Variants in IKZF3 observed in about 807,000 individuals in gnomAD.
The protein encoded by IKZF3 is IKAROS family zinc finger 3.
In IKZF3, 10 loss-of-function variants were observed where a neutral mutation model predicts 49.0. The ratio of observed to expected loss-of-function variants is 0.20; its 90% CI spans 0.13 to 0.35. The LOEUF (loss-of-function observed/expected upper bound fraction) is 0.35, where lower values mean the gene tolerates loss of function less well. IKZF3 is among the 10% of genes least tolerant of loss of function. IKZF3 has a pLI of 1.00. For synonymous variants in IKZF3, 209 were observed against 228.2 expected (o/e 0.92, Z 0.76); for missense variants, 498 against 664.8 (o/e 0.75, Z 2.76).
intron 3 of IKZF3, among the ~76,000 whole-genome samples, chr17:39,802,078 C>T (rs2061331396): frequency 1.3e-5 from 2 of 151,532 alleles, no homozygotes. Context: ...AAAAATTAGC[C>T]GGGCATGGTG....
In IKZF3 at chr17:39,759,881, G is replaced by T. The variant is rs1048470585; in HGVS notation, c.*5909C>A. 6.6e-6 allele frequency: 1 copy of T among 152,116 alleles called. No homozygotes were observed. The highest frequency in any genetic ancestry group is 2.4e-5 in the African/African-American group (1 of 41,402). 9.4% of individuals were successfully genotyped at this position (152,116 alleles called of 1,614,324 possible). ...AAGATGAGGTATCACTATATATCGG[G>T]TTTTTTTCTTCTGTTCCTGGTGCTA... On this transcript the variant is annotated 3_prime_UTR_variant, in exon 8 of 8. Transcript: ENST00000346872.
At chr17:39,801,034 T>TA (rs964399837) in intron 3 of IKZF3, among the ~76,000 whole-genome samples, 1 of 152,138 alleles carries the variant, frequency 6.6e-6, no homozygotes, top group Non-Finnish European at 1.5e-5. Context: ...ATTTCCACCT[T>TA]AAACTATGAG....
At chr17:39,811,235 T>TGAAA (rs71152603) in intron 3 of IKZF3, among the ~76,000 whole-genome samples, 175 of 141,444 alleles carry the variant, frequency 1.2e-3, no homozygotes, top group Middle Eastern at 7.0e-3. Context: ...AGACCCTGTC[T>TGAAA]GAAAGAAAGA....
intron 1 of IKZF3, 106 bp downstream of exon 1, chr17:39,864,014 G>T: frequency 2.8e-6 from 4 of 1,431,522 alleles, no homozygotes; most frequent in Non-Finnish European, 3.9e-6. Flanking sequence ...TTTGACAAAA[G>T]AAGTAAATAG....
chr17:39,790,236 G>A (rs897834065), intron 5 of IKZF3, among the ~76,000 whole-genome samples: 6 of 152,164 alleles, frequency 3.9e-5, no homozygotes, highest in Non-Finnish European at 8.8e-5. Flanking sequence ...ATGCAGGTTT[G>A]CTAGGGCTAA....
chr17:39,790,716 T>C (rs1567982545), intron 5 of IKZF3, among the ~76,000 whole-genome samples: 1 of 148,544 alleles, frequency 6.7e-6, no homozygotes, highest in Non-Finnish European at 1.5e-5. Flanking sequence ...CGACAGCACA[T>C]AACTTTTACA....
intron 1 of IKZF3, among the ~76,000 whole-genome samples, chr17:39,848,467 A>G (rs2062699228): frequency 6.6e-6 from 1 of 152,248 alleles, no homozygotes; most frequent in Non-Finnish European, 1.5e-5. Flanking sequence ...TACTTTAAAA[A>G]GATGTTTCTG....
chr17:39,845,468 G>C (rs1433983511), intron 1 of IKZF3, among the ~76,000 whole-genome samples: 2 of 151,426 alleles, frequency 1.3e-5, no homozygotes, highest in African/African-American at 2.4e-5. Flanking sequence ...AGGTTTCAAT[G>C]AGCTGAGATT....
intron 3 of IKZF3, among the ~76,000 whole-genome samples, chr17:39,797,071 A>T (rs1043843319): frequency 2.0e-5 from 3 of 151,508 alleles, no homozygotes; most frequent in African/African-American, 7.3e-5. Context: ...AGGCTGAGGC[A>T]GGAGAATCGC....
In IKZF3 at chr17:39,763,007, T is replaced by C. The variant is rs1284937084; in HGVS notation, c.*2783A>G. ...AATCCCTGCTTCCAAATTCTCTTTC[T>C]CTTGTCCCTTGAAGAACCAACAGGA... On this transcript the variant is annotated 3_prime_UTR_variant, in exon 8 of 8. Transcript: ENST00000346872. 1 of 152,232 alleles carries C rather than the reference T, an allele frequency of 6.6e-6. No individual in the cohort carries two copies. The highest frequency in any genetic ancestry group is 1.5e-5 in the Non-Finnish European group (1 of 68,046). 9.4% of individuals were successfully genotyped at this position (152,232 alleles called of 1,614,324 possible). A position where few individuals can be genotyped will look rare whatever the true frequency, so the allele number is the denominator to read the frequency against.
chr17:39,815,936 G>A (rs888001088), intron 3 of IKZF3, among the ~76,000 whole-genome samples: 1 of 152,130 alleles, frequency 6.6e-6, no homozygotes, highest in Non-Finnish European at 1.5e-5. Flanking sequence ...ATATAATGGG[G>A]TGAAACCTTG....
At chr17:39,789,216 G>A (rs1246967238) in intron 5 of IKZF3, among the ~76,000 whole-genome samples, 1 of 152,162 alleles carries the variant, frequency 6.6e-6, no homozygotes, top group Non-Finnish European at 1.5e-5. Context: ...GATCACCTGA[G>A]GTCAGGAGTT....
chr17:39,810,878 CTTTG>C (rs966096651), intron 3 of IKZF3, among the ~76,000 whole-genome samples: 7 of 152,078 alleles, frequency 4.6e-5, no homozygotes, highest in South Asian at 4.1e-4. Flanking sequence ...CTAATTGATC[CTTTG>C]TTTGGCATCT....
chr17:39,808,733 T>TGA (rs1188617825), intron 3 of IKZF3, among the ~76,000 whole-genome samples: 2 of 151,982 alleles, frequency 1.3e-5, no homozygotes, highest in Admixed American at 6.6e-5. Flanking sequence ...CTTTACAGTC[T>TGA]GAGAGAGAGA....
intron 7 of IKZF3, among the ~76,000 whole-genome samples, chr17:39,770,279 T>C (rs1246752095): frequency 6.6e-6 from 1 of 152,198 alleles, no homozygotes; most frequent in Non-Finnish European, 1.5e-5. Context: ...CTAGTCAAAA[T>C]CACACCACGC....
At chr17:39,814,988 G>A (rs2061645988) in intron 3 of IKZF3, among the ~76,000 whole-genome samples, 1 of 152,146 alleles carries the variant, frequency 6.6e-6, no homozygotes, top group Non-Finnish European at 1.5e-5. Flanking sequence ...CCCTACAGCA[G>A]CTCCAGAACA....
At chr17:39,799,711 C>T (rs1283194045) in intron 3 of IKZF3, among the ~76,000 whole-genome samples, 1 of 152,212 alleles carries the variant, frequency 6.6e-6, no homozygotes, top group Non-Finnish European at 1.5e-5. Context: ...CACAGTTCTT[C>T]AAGCCTCTTC....
At chr17:39,783,551 A>G (rs2060797558) in intron 6 of IKZF3, among the ~76,000 whole-genome samples, 1 of 152,184 alleles carries the variant, frequency 6.6e-6, no homozygotes, top group African/African-American at 2.4e-5. Context: ...GGAACTCCTG[A>G]CCTCGCGATC....
chr17:39,817,752 T>C (rs1340273087), intron 3 of IKZF3, among the ~76,000 whole-genome samples: 9 of 152,250 alleles, frequency 5.9e-5, no homozygotes, highest in Non-Finnish European at 5.9e-5. Flanking sequence ...GATCATATTA[T>C]ATATTTTATA....
Sources: gnomAD v4.1 joint callset for allele counts (sites outside exome capture counted in the v4.1 genomes callset) on GRCh38, gnomAD v4.1.1 for gene constraint, MANE v1.5 for transcripts, NCBI Gene and HGNC (gene_info 2026-07-23, HGNC 2026-07-21) for gene names.